TBCE: variants seen among roughly 807,000 people sequenced by gnomAD.
TBCE encodes the protein tubulin folding cofactor E.
Under a neutral mutation model 77.0 loss-of-function variants are expected in TBCE, and 53 were observed. The ratio of observed to expected loss-of-function variants is 0.69; its 90% CI spans 0.55 to 0.87. The LOEUF is 0.87. Among genes scored for constraint, TBCE ranks in the 40% least tolerant of loss-of-function variants. The pLI, the probability that TBCE is intolerant of heterozygous loss-of-function variation, is 0.00. For synonymous variants in TBCE, 235 were observed against 241.3 expected, an observed-to-expected ratio of 0.97 and a Z score of 0.24; for missense variants, 624 against 622.4, an observed-to-expected ratio of 1.00 and a Z score of -0.03.
At chr1:235,441,066 GCCCAATCT>G (rs967746775) in intron 13 of TBCE, 47 of 152,646 alleles carry the variant, frequency 3.1e-4, no homozygotes, top group African/African-American at 1.1e-3. Flanking sequence ...CCATTAGCCA[GCCCAATCT>G]CCTGGCCACG....
chr1:235,436,716 A>G lies in TBCE; in HGVS notation c.963+108A>G. ...AAAGTAAAAAGAAATTTAAATCGAA[A>G]GAGAAATACCTCCTCAGAGTGAAAC... is the stretch of plus-strand genomic sequence containing the variant. On this transcript the variant is annotated intron_variant, in intron 11 of 16. Coordinates refer to ENST00000642610, the MANE Select transcript of TBCE (RefSeq NM_003193.5). 2.7e-6 allele frequency: 3 copies of G among 1,093,710 alleles called. No individual in the cohort carries two copies. The South Asian group carries it at 3.8e-5, about 14-fold the overall frequency. 67.8% of individuals were successfully genotyped at this position (1,093,710 alleles called of 1,614,324 possible).
At chr1:235,427,495 C>T (rs1680792500) in intron 6 of TBCE, among the ~76,000 whole-genome samples, 1 of 152,150 alleles carries the variant, frequency 6.6e-6, no homozygotes, top group African/African-American at 2.4e-5. Flanking sequence ...GAGCTGCAGA[C>T]ATAGATGCAG....
At chr1:235,400,896 G>T (rs1485547456) in intron 2 of TBCE, among the ~76,000 whole-genome samples, 1 of 150,332 alleles carries the variant, frequency 6.7e-6, no homozygotes, top group Non-Finnish European at 1.5e-5. Flanking sequence ...GTTTCTTCAC[G>T]TTGGTCAGGC....
chr1:235,367,624 G>A, intron 1 of TBCE, 120 bp downstream of exon 1: 1 of 152,858 alleles, frequency 6.5e-6, no homozygotes, highest in Non-Finnish European at 1.5e-5. Context: ...AGAGCCGGGC[G>A]TTGCCTGCTC....
At position 235,448,716 on chromosome 1, in the gene TBCE, A is replaced by G. The variant is rs753594563; in HGVS notation, c.1538A>G (p.Gln513Arg). Residue 513 changes from glutamine to arginine, a missense_variant, in exon 17 of 17, where the codon CAG (glutamine) becomes CGG (arginine). Physicochemically the swap from Gln to Arg is conservative, Grantham distance 43 (BLOSUM62 1). Coordinates refer to ENST00000642610, the MANE Select transcript of TBCE (RefSeq NM_003193.5). ...IELENDLKSL[Q>R]FYSVENGDCL... ...CTGGAAAATGACCTAAAGTCATTAC[A>G]GTTTTATTCTGTGGAAAATGGAGAT... The G allele has an allele frequency of 1.2e-6, 2 of 1,614,168 alleles. No individual in the cohort carries two copies. Among genetic ancestry groups the G allele is most frequent in the Non-Finnish European group, 8.5e-7 (1 of 1,180,018 alleles).
chr1:235,379,947 C>CAAAAA (rs36068852), intron 1 of TBCE, 72 bp from the exon 2 acceptor site: 6 of 728,550 alleles, frequency 8.2e-6, no homozygotes, highest in Non-Finnish European at 1.3e-5. Flanking sequence ...GACTGTGCCT[C>CAAAAA]AAAAAAAAAA....
chr1:235,447,444 T>C (rs1204518836), intron 15 of TBCE, among the ~76,000 whole-genome samples: 2 of 152,242 alleles, frequency 1.3e-5, no homozygotes, highest in African/African-American at 4.8e-5. Flanking sequence ...TAGTGTATTC[T>C]GAACAAACCA....
intron 2 of TBCE, among the ~76,000 whole-genome samples, chr1:235,400,053 TA>T (rs1286484445): frequency 3.3e-5 from 5 of 152,192 alleles, no homozygotes; most frequent in Non-Finnish European, 7.4e-5. Context: ...GTTAATTTTT[TA>T]TTATTTAGAG....
chr1:235,404,930 G>A (rs754885940), intron 3 of TBCE, among the ~76,000 whole-genome samples: 6 of 149,682 alleles, frequency 4.0e-5, no homozygotes, highest in African/African-American at 1.5e-4. Context: ...AAAGTGCTGG[G>A]ATTATAGGCG....
In TBCE at chr1:235,419,671, A is replaced by G. The variant is rs1680289771; in HGVS notation, c.460+110A>G. The G allele has an allele frequency of 2.1e-6, 3 of 1,458,612 alleles. No homozygotes were observed. The East Asian group carries it at 7.1e-5, about 35-fold the overall frequency. 90.4% of individuals were successfully genotyped at this position (1,458,612 alleles called of 1,614,324 possible). On this transcript the variant is annotated intron_variant, in intron 5 of 16. Coordinates refer to ENST00000642610, the MANE Select transcript of TBCE (RefSeq NM_003193.5). ...GTCCAGTCTTGACAACTTCCTTCCT[A>G]ATGCAGTTCAGTTTTGCTTGGTGTA...
chr1:235,373,679 C>T (rs1175297711), intron 1 of TBCE, among the ~76,000 whole-genome samples: 6 of 151,064 alleles, frequency 4.0e-5, no homozygotes, highest in East Asian at 1.9e-4. Context: ...GACGGAGTCT[C>T]GCTCTGTCGC....
intron 3 of TBCE, among the ~76,000 whole-genome samples, chr1:235,405,320 C>CTT (rs34897905): frequency 7.1e-6 from 1 of 140,996 alleles, no homozygotes; most frequent in Non-Finnish European, 1.5e-5. Flanking sequence ...TTACAATTAA[C>CTT]TTTTTTTTTT....
At chr1:235,443,121 AGCTG>A in intron 15 of TBCE, 1 of 588,786 alleles carries the variant, frequency 1.7e-6, no homozygotes, top group South Asian at 2.0e-5. Flanking sequence ...TAACTTTATC[AGCTG>A]AAAGCAGTTC....
rs770758227 is a variant in TBCE, at chr1:235,401,617, A to G, written c.185+30A>G. 3.2e-6 allele frequency: 5 copies of G among 1,558,526 alleles called. 1 individual carries two copies. The South Asian group carries it at 5.6e-5, about 17-fold the overall frequency. ...CTTTTCATTATGAATCAGCACGGTCATTTAGTCAAGATTATATTTAATACT... is the reference window on the plus strand; with the variant it reads ...CTTTTCATTATGAATCAGCACGGTCGTTTAGTCAAGATTATATTTAATACT... On this transcript the variant is annotated intron_variant, in intron 3 of 16. Transcript: ENST00000642610.
At chr1:235,447,148 A>G (rs1326499116) in intron 15 of TBCE, among the ~76,000 whole-genome samples, 1 of 152,214 alleles carries the variant, frequency 6.6e-6, no homozygotes, top group Non-Finnish European at 1.5e-5. Context: ...CACACATGAA[A>G]GAGCAAATTG....
intron 13 of TBCE, chr1:235,440,707 T>G (rs1319618429): frequency 6.6e-6 from 1 of 152,218 alleles, no homozygotes. Context: ...ATCTGTATTT[T>G]TTTAAAGCCC....
chr1:235,386,326 C>T (rs1363252779), intron 2 of TBCE, among the ~76,000 whole-genome samples: 1 of 152,110 alleles, frequency 6.6e-6, no homozygotes, highest in South Asian at 2.1e-4. Context: ...TCTGTATTTT[C>T]TGAATCTGAT....
chr1:235,448,123 C>G (rs938463255), intron 15 of TBCE, among the ~76,000 whole-genome samples: 7 of 150,902 alleles, frequency 4.6e-5, no homozygotes, highest in African/African-American at 1.5e-4. Flanking sequence ...TTGTTTGAAC[C>G]CGGGAAGCGG....
chr1:235,446,694 G>GT (rs1682339702), intron 15 of TBCE, among the ~76,000 whole-genome samples: 1 of 147,472 alleles, frequency 6.8e-6, no homozygotes, highest in Admixed American at 7.2e-5. Flanking sequence ...TGAGTAGGCA[G>GT]GTTTTTTTTT....
Sources: gnomAD v4.1 joint callset for allele counts (sites outside exome capture counted in the v4.1 genomes callset) on GRCh38, gnomAD v4.1.1 for gene constraint, MANE v1.5 for transcripts, NCBI Gene and HGNC (gene_info 2026-07-23, HGNC 2026-07-21) for gene names.